C8orf34: variants seen among roughly 807,000 people sequenced by gnomAD.
The protein encoded by C8orf34 is chromosome 8 open reading frame 34, also known as uncharacterized protein C8orf34.
C8orf34 carries 65 observed loss-of-function variants against 68.3 expected under a neutral mutation model. The observed-to-expected ratio is 0.95, with a 90% CI of 0.78 to 1.17. The LOEUF is 1.17. Among genes scored for constraint, C8orf34 ranks in the 50% most tolerant of loss-of-function variants. The probability of loss-of-function intolerance (pLI) is 0.00; values close to 1 mark genes in which losing one functional copy is unlikely to be tolerated. For synonymous variants in C8orf34, 244 were observed against 241.2 expected, an observed-to-expected ratio of 1.01 and a Z score of -0.11; for missense variants, 664 against 655.4, an observed-to-expected ratio of 1.01 and a Z score of -0.14.
chr8:68,706,945 G>T (rs1447017478), intron 8 of C8orf34, among the ~76,000 whole-genome samples: 1 of 152,196 alleles, frequency 6.6e-6, no homozygotes, highest in African/African-American at 2.4e-5. Flanking sequence ...ATATGAAAAG[G>T]AGGAGCAGCC....
chr8:68,662,586 C>T (rs1284034873), intron 8 of C8orf34, among the ~76,000 whole-genome samples: 1 of 152,160 alleles, frequency 6.6e-6, no homozygotes, highest in Non-Finnish European at 1.5e-5. Flanking sequence ...GTCTTGCTTC[C>T]CCTTTACCTT....
chr8:68,574,258 G>GA (rs1816839605), intron 7 of C8orf34, among the ~76,000 whole-genome samples: 1 of 151,872 alleles, frequency 6.6e-6, no homozygotes, highest in Non-Finnish European at 1.5e-5. Context: ...GAGAAAAAAT[G>GA]ACAAAAATAT....
At chr8:68,600,050 G>A (rs1817653586) in intron 7 of C8orf34, among the ~76,000 whole-genome samples, 1 of 152,064 alleles carries the variant, frequency 6.6e-6, no homozygotes, top group African/African-American at 2.4e-5. Flanking sequence ...CATCAAAAGT[G>A]CAAAGTATAA....
At chr8:68,813,639 T>G (rs1824722698) in intron 12 of C8orf34, among the ~76,000 whole-genome samples, 2 of 152,180 alleles carry the variant, frequency 1.3e-5, no homozygotes, top group Admixed American at 1.3e-4. Context: ...AAGCTGTTGC[T>G]TCTCTCCATT....
At chr8:68,700,178 A>G (rs984115898) in intron 8 of C8orf34, among the ~76,000 whole-genome samples, 19 of 152,130 alleles carry the variant, frequency 1.2e-4, no homozygotes, top group Non-Finnish European at 4.4e-5. Flanking sequence ...CAAAAAAACT[A>G]GAAAAGAATA....
At chr8:68,751,545 T>C (rs1443018418) in intron 10 of C8orf34, among the ~76,000 whole-genome samples, 1 of 152,142 alleles carries the variant, frequency 6.6e-6, no homozygotes, top group Non-Finnish European at 1.5e-5. Flanking sequence ...TTTTATAGAA[T>C]CTCAATAGTA....
intron 8 of C8orf34, among the ~76,000 whole-genome samples, chr8:68,645,584 T>C (rs1819144584): frequency 1.3e-5 from 2 of 152,172 alleles, no homozygotes; most frequent in Admixed American, 6.5e-5. Context: ...TGTTGTTGTT[T>C]CTTAAGAGTT....
chr8:68,639,374 G>A lies in C8orf34; in HGVS notation c.1106-1002G>A, dbSNP rs116006413. 4.1e-3 allele frequency among the ~76,000 whole-genome samples: 624 copies of A among 152,020 alleles called. 4 individuals are homozygous for A. Among genetic ancestry groups the A allele is most frequent in the African/African-American group, 0.014 (569 of 41,468 alleles). On this transcript the variant is annotated intron_variant, in intron 7 of 13. Transcript: ENST00000518698. ...AGGCTTCTTCAGATTCCAGAAGGCC[G>A]GTTCATGATTTAGACTGAGTTGTCA...
At chr8:68,429,079 T>C (rs886841306) in intron 1 of C8orf34, among the ~76,000 whole-genome samples, 1 of 152,076 alleles carries the variant, frequency 6.6e-6, no homozygotes, top group Non-Finnish European at 1.5e-5. Context: ...AAATGAAGAA[T>C]TAAGTTTGAC....
intron 8 of C8orf34, among the ~76,000 whole-genome samples, chr8:68,679,976 C>A (rs1475383650): frequency 6.6e-6 from 1 of 152,072 alleles, no homozygotes; most frequent in Non-Finnish European, 1.5e-5. Context: ...TATAAAACTA[C>A]TAAAACATTA....
chr8:68,376,138 A>G (rs1288600268), intron 1 of C8orf34, among the ~76,000 whole-genome samples: 1 of 148,906 alleles, frequency 6.7e-6, no homozygotes, highest in Non-Finnish European at 1.5e-5. Context: ...TATTTGTTGT[A>G]TGAGTGAAGG....
chr8:68,530,417 T>G (rs4559227), intron 6 of C8orf34, among the ~76,000 whole-genome samples: 27,185 of 152,064 alleles, frequency 0.18, 2,945 homozygotes, highest in African/African-American at 0.31. Context: ...ACATGAATAT[T>G]GTTATTTTAA....
intron 4 of C8orf34, among the ~76,000 whole-genome samples, chr8:68,472,713 A>G (rs936806143): frequency 8.5e-5 from 13 of 152,222 alleles, no homozygotes; most frequent in Admixed American, 8.5e-4. Flanking sequence ...TAAAAAAGGC[A>G]AAAGGAAACG....
chr8:68,679,897 A>T (rs1357542465), intron 8 of C8orf34, among the ~76,000 whole-genome samples: 1 of 152,134 alleles, frequency 6.6e-6, no homozygotes, highest in Non-Finnish European at 1.5e-5. Flanking sequence ...ATGAAACTAG[A>T]CCCCTATTTC....
chr8:68,658,300 C>T (rs998553418), intron 8 of C8orf34, among the ~76,000 whole-genome samples: 2 of 149,172 alleles, frequency 1.3e-5, no homozygotes, highest in Non-Finnish European at 3.0e-5. Flanking sequence ...AATTTCCCTC[C>T]CCTTTGAATA....
intron 6 of C8orf34, among the ~76,000 whole-genome samples, chr8:68,531,493 T>C (rs934962919): frequency 2.6e-5 from 4 of 152,194 alleles, no homozygotes; most frequent in Non-Finnish European, 5.9e-5. Flanking sequence ...TAAATTCAGA[T>C]TAGATATTTT....
intron 8 of C8orf34, among the ~76,000 whole-genome samples, chr8:68,654,949 CG>C (rs1277950166): frequency 6.6e-6 from 1 of 152,006 alleles, no homozygotes; most frequent in Non-Finnish European, 1.5e-5. Context: ...TGGGGAAATG[CG>C]TCAGCTATAA....
intron 10 of C8orf34, among the ~76,000 whole-genome samples, chr8:68,731,881 C>T (rs1473546761): frequency 6.6e-6 from 1 of 152,216 alleles, no homozygotes; most frequent in Non-Finnish European, 1.5e-5. Flanking sequence ...AATAGTTTGT[C>T]CCAGGCTACT....
chr8:68,567,002 C>T (rs931702996), intron 7 of C8orf34, among the ~76,000 whole-genome samples: 1 of 152,118 alleles, frequency 6.6e-6, no homozygotes, highest in Admixed American at 6.6e-5. Flanking sequence ...GGTGAATTAT[C>T]TTTTTCATAT....
Sources: gnomAD v4.1 joint callset for allele counts (sites outside exome capture counted in the v4.1 genomes callset) on GRCh38, gnomAD v4.1.1 for gene constraint, MANE v1.5 for transcripts, NCBI Gene and HGNC (gene_info 2026-07-23, HGNC 2026-07-21) for gene names.